ITPR1: variants seen among roughly 807,000 people sequenced by gnomAD.
The protein encoded by ITPR1 is inositol 1,4,5-trisphosphate receptor type 1, also known as inositol 1,4,5-trisphosphate-gated calcium channel ITPR1.
A neutral mutation model predicts 318.4 loss-of-function variants in ITPR1; 96 were observed. That is an observed-to-expected ratio of 0.30 (90% CI 0.26 to 0.36). The LOEUF (loss-of-function observed/expected upper bound fraction) is 0.36, where lower values mean the gene tolerates loss of function less well. Ranked by LOEUF, ITPR1 falls within the 10% of genes least tolerant of loss-of-function variation. The pLI, the probability that ITPR1 is intolerant of heterozygous loss-of-function variation, is 1.00. For missense variants in ITPR1, 2,440 were observed against 3,460.2 expected (o/e 0.71, Z 7.40); for synonymous variants, 1,312 against 1,289.9 (o/e 1.02, Z -0.37).
rs200269218 is a variant in ITPR1 at position 4,634,095 on chromosome 3, GT to G, written c.280-5281del. 7.2e-5 allele frequency among the ~76,000 whole-genome samples: 11 copies of G among 151,926 alleles called. No individual in the cohort carries two copies. The South Asian group carries it at 1.7e-3, about 23-fold the overall frequency. ...TAGTGGTGGAACCATTTCATAGAGT[GT>G]TTTTTTTCCCCTTAGAAATTAAAAA... is the stretch of plus-strand genomic sequence containing the variant. On this transcript the variant is annotated intron_variant, in intron 5 of 61. Coordinates refer to ENST00000649015, the MANE Select transcript of ITPR1 (RefSeq NM_001378452.1).
In ITPR1 at chr3:4,697,278, G is replaced by C; in HGVS notation, c.4407+6G>C. On this transcript the variant is annotated splice_donor_region_variant and intron_variant, in intron 34 of 61. Transcript: ENST00000649015. ...TCCTTGTAGACATCTGCAGGGTAAG[G>C]CTTTTGGAACTGAGGAGGCAGAGTT... The C allele has an allele frequency of 1.3e-6, 2 of 1,548,218 alleles. No individual in the cohort carries two copies. Among genetic ancestry groups the C allele is most frequent in the Non-Finnish European group, 1.7e-6 (2 of 1,145,010 alleles).
chr3:4,776,228 C>G (rs1361335194), intron 47 of ITPR1, among the ~76,000 whole-genome samples: 1 of 152,178 alleles, frequency 6.6e-6, no homozygotes, highest in Non-Finnish European at 1.5e-5. Flanking sequence ...TGCCATCATG[C>G]CTGGCTAATT....
chr3:4,687,001 C>G (rs4685798), intron 30 of ITPR1, among the ~76,000 whole-genome samples: 61,316 of 152,074 alleles, frequency 0.4, 13,324 homozygotes, highest in Non-Finnish European at 0.5. Flanking sequence ...GTAAATTCTC[C>G]TCTGTTTTGG....
At chr3:4,732,363 G>A (rs909904226) in intron 42 of ITPR1, among the ~76,000 whole-genome samples, 5 of 152,288 alleles carry the variant, frequency 3.3e-5, no homozygotes, top group African/African-American at 1.2e-4. Context: ...TCATAACTCT[G>A]CTTCAACAGC....
chr3:4,578,480 T>TTGTG (rs143203883), intron 4 of ITPR1, among the ~76,000 whole-genome samples: 255 of 150,914 alleles, frequency 1.7e-3, no homozygotes, highest in African/African-American at 6.0e-3. Flanking sequence ...AGAATTTTTA[T>TTGTG]TGTGTGTGTG....
chr3:4,674,062 TG>T (rs2094139960), intron 21 of ITPR1, 139 bp from the exon 22 acceptor site: 1 of 629,320 alleles, frequency 1.6e-6, no homozygotes, highest in Non-Finnish European at 2.7e-6. Context: ...TGGTGATATA[TG>T]CTAAGGAGGG....
Position 4,619,722 on chromosome 3 carries a change from T to C in ITPR1, c.164-8041T>C, listed in dbSNP as rs1213174084. 4.9e-4 allele frequency among the ~76,000 whole-genome samples: 7 copies of C among 14,150 alleles called. 2 individuals are homozygous for C. Among genetic ancestry groups the C allele is most frequent in the African/African-American group, 8.2e-4 (2 of 2,432 alleles). The allele number at this position is 14,150 out of a possible 152,430, so 9.3% of individuals were successfully genotyped here. On this transcript the variant is annotated intron_variant, in intron 4 of 61. Transcript: ENST00000649015. ...CCTGCTCTCCTCTGCTCTCCCCTGCTCTCCTCTGCTCTCCCCTGCTCTCCT... is the reference window on the plus strand; with the variant it reads ...CCTGCTCTCCTCTGCTCTCCCCTGCCCTCCTCTGCTCTCCCCTGCTCTCCT...
chr3:4,705,138 A>G (rs1306213758), intron 36 of ITPR1, among the ~76,000 whole-genome samples: 2 of 151,960 alleles, frequency 1.3e-5, no homozygotes, highest in African/African-American at 4.8e-5. Flanking sequence ...CTTTGCTTCT[A>G]GTGTTTTGAA....
At chr3:4,599,475 C>G (rs1192721959) in intron 4 of ITPR1, among the ~76,000 whole-genome samples, 1 of 152,178 alleles carries the variant, frequency 6.6e-6, no homozygotes. Flanking sequence ...CAGATGACAA[C>G]AAGTGTCAGA....
At position 4,669,569 on chromosome 3, in the gene ITPR1, C is replaced by G. The variant is rs955700229; in HGVS notation, c.1887-85C>G. ...CATGTCTTGGTAAAGGTATGTTGGA[C>G]CTGTGCACTTAAGGAAGAATTGGGG... On this transcript the variant is annotated intron_variant, in intron 18 of 61. Coordinates refer to ENST00000649015, the MANE Select transcript of ITPR1 (RefSeq NM_001378452.1). 8 of 1,354,224 alleles carry G rather than the reference C, an allele frequency of 5.9e-6. No homozygotes were observed. The African/African-American group carries it at 1.0e-4, about 17-fold the overall frequency. 83.9% of individuals were successfully genotyped at this position (1,354,224 alleles called of 1,614,324 possible). A position where few individuals can be genotyped will look rare whatever the true frequency, so the allele number is the denominator to read the frequency against.
intron 4 of ITPR1, among the ~76,000 whole-genome samples, chr3:4,523,777 G>A (rs1310417757): frequency 6.6e-6 from 1 of 152,190 alleles, no homozygotes; most frequent in Non-Finnish European, 1.5e-5. Context: ...GGGTTAGAAT[G>A]TTAAAAATAA....
At chr3:4,635,552 A>G (rs11712754) in intron 5 of ITPR1, among the ~76,000 whole-genome samples, 6,319 of 151,700 alleles carry the variant, frequency 0.042, 179 homozygotes, top group Middle Eastern at 0.12. Flanking sequence ...TCCCTGTGTT[A>G]GCCAGGATGG....
Position 4,508,455 on chromosome 3 carries a change from G to GTTTTT in ITPR1, c.-16-8004_-16-8000dup, listed in dbSNP as rs4054897. Among the ~76,000 whole-genome samples the GTTTTT allele has an allele frequency of 7.6e-3, 955 of 125,684 alleles. 8 individuals carry two copies. The highest frequency in any genetic ancestry group is 0.013 in the Middle Eastern group (3 of 234). The allele number at this position is 125,684 out of a possible 152,430, so 82.5% of individuals were successfully genotyped here. A position where few individuals can be genotyped will look rare whatever the true frequency, so the allele number is the denominator to read the frequency against. On this transcript the variant is annotated intron_variant, in intron 2 of 61. Transcript: ENST00000649015. ...GAATTCTGTGTAGGCGAAAATCAAG[G>GTTTTT]TTTTTTTTTTTTTTTTTTTTTAAAT... is the stretch of plus-strand genomic sequence containing the variant.
Position 4,797,135 on chromosome 3 carries a change from G to C in ITPR1, c.6931+1948G>C, listed in dbSNP as rs3805018. ...AACTGAGAGCATAATTCAGAGCTCC[G>C]AGGAGATTTGACCTGAGGCTGATAT... On this transcript the variant is annotated intron_variant, in intron 53 of 61. Transcript: ENST00000649015. 3.3e-5 allele frequency among the ~76,000 whole-genome samples: 5 copies of C among 151,080 alleles called. No individual in the cohort carries two copies. In the East Asian group the frequency reaches 9.7e-4, roughly 29 times the overall value.
intron 2 of ITPR1, among the ~76,000 whole-genome samples, chr3:4,508,369 A>G (rs1180614357): frequency 1.3e-5 from 2 of 149,736 alleles, no homozygotes; most frequent in Non-Finnish European, 1.5e-5. Context: ...TAGGTAACTT[A>G]TTGGTTAATG....
intron 4 of ITPR1, among the ~76,000 whole-genome samples, chr3:4,553,696 G>A (rs1398043933): frequency 6.6e-6 from 1 of 151,134 alleles, no homozygotes; most frequent in Non-Finnish European, 1.5e-5. Context: ...TGCCTCCCAG[G>A]TTCAAGTGAT....
intron 24 of ITPR1, among the ~76,000 whole-genome samples, chr3:4,677,186 T>C (rs1366396629): frequency 6.6e-6 from 1 of 152,208 alleles, no homozygotes; most frequent in African/African-American, 2.4e-5. Context: ...TTCTTCCCTT[T>C]TTCATTCAAT....
At chr3:4,623,525 A>G (rs1238147471) in intron 4 of ITPR1, among the ~76,000 whole-genome samples, 1 of 152,228 alleles carries the variant, frequency 6.6e-6, no homozygotes, top group Non-Finnish European at 1.5e-5. Flanking sequence ...ACACATATGT[A>G]CACACATGTG....
At position 4,683,397 on chromosome 3, in the gene ITPR1, C is replaced by T; in HGVS notation, c.3173C>T (p.Thr1058Ile). The T allele has an allele frequency of 6.2e-7, 1 of 1,614,004 alleles. No individual in the cohort carries two copies. The highest frequency in any genetic ancestry group is 1.3e-5 in the African/African-American group (1 of 75,042). ...TTGTGCTCCTTTAGTGAGGAGAACA[C>T]CCCACTGGACTTGGATGACCACGGC... The part of the protein sequence containing the change: ...EGIFGGSEEN[T>I]PLDLDDHGGR... Residue 1058 changes from threonine to isoleucine, a missense_variant, in exon 27 of 62, where the codon ACC becomes ATC. Coordinates refer to ENST00000649015, the MANE Select transcript of ITPR1 (RefSeq NM_001378452.1).
Sources: gnomAD v4.1 joint callset for allele counts (sites outside exome capture counted in the v4.1 genomes callset) on GRCh38, gnomAD v4.1.1 for gene constraint, MANE v1.5 for transcripts, NCBI Gene and HGNC (gene_info 2026-07-23, HGNC 2026-07-21) for gene names.